The following LIMCH1 variants were observed in gnomAD, a reference collection of about 807,000 sequenced individuals.
LIMCH1 encodes the protein LIM and calponin homology domains-containing protein 1.
In LIMCH1, 113 loss-of-function variants were observed where a neutral mutation model predicts 176.5. The observed-to-expected ratio is 0.64, with a 90% CI of 0.55 to 0.75. The LOEUF is 0.75. Among genes scored for constraint, LIMCH1 ranks in the 30% least tolerant of loss-of-function variants. LIMCH1 has a pLI of 0.00. For missense variants in LIMCH1, 1,674 were observed against 1,814.9 expected, an observed-to-expected ratio of 0.92 and a Z score of 1.41; for synonymous variants, 619 against 645.9, an observed-to-expected ratio of 0.96 and a Z score of 0.63.
chr4:41,472,939 A>G (rs1480266557), intron 1 of LIMCH1: 2 of 749,848 alleles, frequency 2.7e-6, no homozygotes, highest in Non-Finnish European at 1.6e-6. Context: ...CCATGGAGCT[A>G]GGATTCTGCA....
At chr4:41,484,031 A>G (rs1045759257) in intron 1 of LIMCH1, among the ~76,000 whole-genome samples, 1 of 152,228 alleles carries the variant, frequency 6.6e-6, no homozygotes, top group Admixed American at 6.5e-5. Context: ...GCAATAATCA[A>G]ACACCATAAA....
intron 2 of LIMCH1, among the ~76,000 whole-genome samples, chr4:41,498,280 C>T (rs556163069): frequency 3.9e-5 from 6 of 152,232 alleles, no homozygotes; most frequent in East Asian, 3.9e-4. Flanking sequence ...ACAGCATGTA[C>T]GATGGAAATG....
intron 1 of LIMCH1, among the ~76,000 whole-genome samples, chr4:41,433,465 G>A (rs1276487350): frequency 6.6e-6 from 1 of 152,054 alleles, no homozygotes; most frequent in Non-Finnish European, 1.5e-5. Context: ...TGTTCCATGG[G>A]GTGTTGGCTG....
intron 26 of LIMCH1, among the ~76,000 whole-genome samples, chr4:41,683,932 C>T (rs190416369): frequency 5.9e-5 from 9 of 152,336 alleles, no homozygotes; most frequent in Admixed American, 4.6e-4. Flanking sequence ...TCCAGACAGG[C>T]ATTTTACATG....
chr4:41,520,211 CA>C (rs1303146023), intron 2 of LIMCH1, among the ~76,000 whole-genome samples: 4 of 152,156 alleles, frequency 2.6e-5, no homozygotes, highest in African/African-American at 9.7e-5. Flanking sequence ...ATTTTGCTTA[CA>C]CCTTGGCCAT....
rs183930338 is a variant in LIMCH1, at chr4:41,576,723, T to C, written c.-240-22197T>C. Reference sequence around the variant, plus strand: ...TGATTTGGCCAGTAAATTTTGTGTTTAGCCTAATTTGAGTGTAGTCTTACT... The same window carrying C: ...TGATTTGGCCAGTAAATTTTGTGTTCAGCCTAATTTGAGTGTAGTCTTACT... On this transcript the variant is annotated intron_variant, in intron 1 of 31. Transcript: ENST00000503057. Among the ~76,000 whole-genome samples the C allele has an allele frequency of 7.1e-3, 1,085 of 152,326 alleles. 18 individuals are homozygous for C. The highest frequency in any genetic ancestry group is 0.024 in the African/African-American group (1,002 of 41,562).
At chr4:41,612,982 G>C in intron 4 of LIMCH1, 1 of 1,548,452 alleles carries the variant, frequency 6.5e-7, no homozygotes, top group Non-Finnish European at 8.7e-7. Flanking sequence ...CTGCAGCAAA[G>C]ACAAATGTTG....
In LIMCH1 at chr4:41,494,525, CT is replaced by C. The variant is rs750091558; in HGVS notation, c.97-5del. 3.1e-6 allele frequency: 5 copies of C among 1,606,986 alleles called. No individual in the cohort carries two copies. In the African/African-American group the frequency reaches 4.0e-5, roughly 13 times the overall value. On this transcript the variant is annotated splice_polypyrimidine_tract_variant and intron_variant, in intron 1 of 26. Transcript: ENST00000313860. ...AAAACTTATGTGCTCTTTTTCTTTTCTTTTTTGCAGCAAGTAACTGGCAGAA... is the reference window on the plus strand; with the variant it reads ...AAAACTTATGTGCTCTTTTTCTTTTCTTTTTGCAGCAAGTAACTGGCAGAA...
At chr4:41,520,183 A>T (rs193268038) in intron 2 of LIMCH1, among the ~76,000 whole-genome samples, 2,305 of 151,552 alleles carry the variant, frequency 0.015, 65 homozygotes, top group African/African-American at 0.052. Flanking sequence ...AAAATCTAGA[A>T]GTCTTACCTG....
At chr4:41,423,060 G>C (rs923519878) in intron 1 of LIMCH1, among the ~76,000 whole-genome samples, 1 of 152,110 alleles carries the variant, frequency 6.6e-6, no homozygotes, top group Non-Finnish European at 1.5e-5. Flanking sequence ...ACCCAGCCTG[G>C]GGATTTAAAA....
At chr4:41,381,421 A>C (rs1267171706) in intron 1 of LIMCH1, among the ~76,000 whole-genome samples, 1 of 152,154 alleles carries the variant, frequency 6.6e-6, no homozygotes, top group Non-Finnish European at 1.5e-5. Context: ...AGAGAAGGGA[A>C]CCACTTTTAT....
chr4:41,547,746 A>G (rs1181656803), intron 1 of LIMCH1, among the ~76,000 whole-genome samples: 4 of 144,796 alleles, frequency 2.8e-5, no homozygotes, highest in Non-Finnish European at 6.0e-5. Flanking sequence ...TACATAAATA[A>G]TATATAAAAA....
In LIMCH1 at chr4:41,360,800, C is replaced by G; in HGVS notation, c.-41C>G. The G allele has an allele frequency of 2.7e-6, 4 of 1,460,480 alleles. No individual in the cohort carries two copies. Among genetic ancestry groups the G allele is most frequent in the Non-Finnish European group, 3.7e-6 (4 of 1,090,896 alleles). 90.5% of individuals were successfully genotyped at this position (1,460,480 alleles called of 1,614,324 possible). A position where few individuals can be genotyped will look rare whatever the true frequency, so the allele number is the denominator to read the frequency against. On this transcript the variant is annotated 5_prime_UTR_variant, in exon 1 of 27. Transcript: ENST00000313860. The surrounding 1 kb of genome is among the most constrained non-coding windows in gnomAD (Gnocchi z 4.5). ...CTCCTGCGGCGGCGACGGCGGCGGC[C>G]GTCCTCATCCCGGCGCTTGAGAGGA...
rs1252547979 is a variant in LIMCH1, at chr4:41,633,023, C to T, written c.1767C>T (p.Ser589=). Residue 589 remains serine (S), a synonymous_variant, in exon 12 of 32, where the codon AGC becomes AGT. Coordinates refer to ENST00000503057, the MANE Select transcript of LIMCH1 (RefSeq NM_001330672.2). ...LPQDGKEETE[S]APRDSERLSK... is the part of the protein sequence containing the mutation. ...AGGATGGCAAAGAAGAAACAGAAAG[C>T]GCTCCAAGAGATTCTGAGAGGCTGT... The T allele has an allele frequency of 1.4e-5, 22 of 1,536,072 alleles. No homozygotes were observed. The highest frequency in any genetic ancestry group is 1.2e-4 in the East Asian group (5 of 40,914).
chr4:41,377,139 G>T (rs184897247), intron 1 of LIMCH1, among the ~76,000 whole-genome samples: 3 of 152,010 alleles, frequency 2.0e-5, no homozygotes, highest in Admixed American at 1.3e-4. Context: ...TATTTTTCTT[G>T]CTCACGGGTT....
intron 1 of LIMCH1, among the ~76,000 whole-genome samples, chr4:41,441,432 C>CT (rs1470925132): frequency 2.6e-5 from 4 of 152,116 alleles, no homozygotes; most frequent in Non-Finnish European, 5.9e-5. Context: ...GGCATTCTCT[C>CT]TCTTGAGTCG....
At chr4:41,663,098 CTT>C in intron 20 of LIMCH1, 114 bp downstream of exon 20, 1 of 959,750 alleles carries the variant, frequency 1.0e-6, no homozygotes, top group Non-Finnish European at 1.5e-6. Flanking sequence ...CTCTCCTCAT[CTT>C]TTTTCCTATC....
chr4:41,496,503 G>A (rs915562013), intron 2 of LIMCH1, among the ~76,000 whole-genome samples: 1 of 152,316 alleles, frequency 6.6e-6, no homozygotes. Context: ...GCTGGGTCAG[G>A]AGCCAGAGAA....
At chr4:41,474,793 T>A (rs183985627) in intron 1 of LIMCH1, among the ~76,000 whole-genome samples, 1 of 152,098 alleles carries the variant, frequency 6.6e-6, no homozygotes, top group East Asian at 1.9e-4. Flanking sequence ...AAAAATAAAA[T>A]TATCATATGC....
Sources: allele counts gnomAD v4.1 joint callset (sites outside exome capture counted in the v4.1 genomes callset), GRCh38; gene constraint gnomAD v4.1.1; non-coding constraint Gnocchi (gnomAD v3.1); transcripts MANE v1.5; gene names NCBI Gene and HGNC (gene_info 2026-07-23, HGNC 2026-07-21).